The following FRAS1 variants were observed in gnomAD, a reference collection of about 807,000 sequenced individuals.
The protein encoded by FRAS1 is extracellular matrix organizing protein FRAS1.
Under a neutral mutation model 435.2 loss-of-function variants are expected in FRAS1, and 290 were observed. The ratio of observed to expected loss-of-function variants is 0.67; its 90% CI spans 0.61 to 0.73. The LOEUF is 0.73. Ranked by LOEUF, FRAS1 falls within the 30% of genes least tolerant of loss-of-function variation. The probability of loss-of-function intolerance (pLI) is 0.00; values close to 1 mark genes in which losing one functional copy is unlikely to be tolerated. For synonymous variants in FRAS1, 1,800 were observed against 1,851.0 expected (o/e 0.97, Z 0.71); for missense variants, 4,860 against 5,001.5 (o/e 0.97, Z 0.85).
intron 2 of FRAS1, among the ~76,000 whole-genome samples, chr4:78,226,329 A>G (rs1724271430): frequency 6.6e-6 from 1 of 151,904 alleles, no homozygotes; most frequent in Non-Finnish European, 1.5e-5. Flanking sequence ...ATTTAGAGTC[A>G]TTTTCTTATT....
chr4:78,418,301 T>G (rs1379661749), intron 32 of FRAS1, among the ~76,000 whole-genome samples: 2 of 152,174 alleles, frequency 1.3e-5, no homozygotes, highest in Non-Finnish European at 2.9e-5. Context: ...TGGTGAGCCT[T>G]TTTTGGTGTT....
Position 78,057,917 on chromosome 4 carries a change from GC to G in FRAS1, c.-90del. On this transcript the variant is annotated 5_prime_UTR_variant, in exon 1 of 74. Coordinates refer to ENST00000512123, the MANE Select transcript of FRAS1 (RefSeq NM_025074.7). This position sits in a 1 kb window ranked among gnomAD's most constrained non-coding sequence, Gnocchi z 4.2. ...GCCCGCGGTCCCCCACCTTCAGTGC[GC>G]CCGGGTTCCAAGCGCCGGAGCCAGC... is the stretch of plus-strand genomic sequence containing the variant. 1 of 1,198,908 alleles carries G rather than the reference GC, an allele frequency of 8.3e-7. No individual in the cohort carries two copies. Among genetic ancestry groups the G allele is most frequent in the African/African-American group, 1.5e-5 (1 of 66,848 alleles). The allele number at this position is 1,198,908 out of a possible 1,614,324, so 74.3% of individuals were successfully genotyped here. A position where few individuals can be genotyped will look rare whatever the true frequency, so the allele number is the denominator to read the frequency against.
chr4:78,152,272 C>T (rs553945690), intron 2 of FRAS1, among the ~76,000 whole-genome samples: 1 of 152,172 alleles, frequency 6.6e-6, no homozygotes, highest in South Asian at 2.1e-4. Context: ...TTTAGAAAGG[C>T]AGGGTGTGTC....
chr4:78,224,891 T>A (rs1412454357), intron 2 of FRAS1, among the ~76,000 whole-genome samples: 1 of 152,204 alleles, frequency 6.6e-6, no homozygotes, highest in African/African-American at 2.4e-5. Flanking sequence ...TGTGTTTGAT[T>A]TTTAAAAAGC....
At chr4:78,388,179 G>A (rs757449984) in intron 29 of FRAS1, among the ~76,000 whole-genome samples, 3 of 151,882 alleles carry the variant, frequency 2.0e-5, no homozygotes, top group South Asian at 2.1e-4. Context: ...CAAAAAATTC[G>A]CTGGGCGTGG....
intron 59 of FRAS1, among the ~76,000 whole-genome samples, chr4:78,496,010 C>G (rs1720498455): frequency 6.6e-6 from 1 of 152,156 alleles, no homozygotes; most frequent in African/African-American, 2.4e-5. Flanking sequence ...GAGAGTGAAA[C>G]TTCTCTCTAC....
intron 3 of FRAS1, among the ~76,000 whole-genome samples, chr4:78,242,889 G>A (rs1308854817): frequency 6.6e-6 from 1 of 152,142 alleles, no homozygotes; most frequent in Non-Finnish European, 1.5e-5. Flanking sequence ...TATAATCACA[G>A]GTCGTGGATT....
intron 2 of FRAS1, among the ~76,000 whole-genome samples, chr4:78,215,627 A>G (rs981112535): frequency 2.0e-5 from 3 of 152,104 alleles, no homozygotes; most frequent in Admixed American, 1.3e-4. Context: ...TTCTTCCCCA[A>G]TCCCTTGGCA....
Position 78,477,813 on chromosome 4 carries a change from A to G in FRAS1, c.7852-2A>G. 1 of 1,609,738 alleles carries G rather than the reference A, an allele frequency of 6.2e-7. No homozygotes were observed. The highest frequency in any genetic ancestry group is 8.5e-7 in the Non-Finnish European group (1 of 1,176,794). On this transcript the variant is annotated splice_acceptor_variant, in intron 54 of 73. Coordinates refer to ENST00000512123, the MANE Select transcript of FRAS1 (RefSeq NM_025074.7). LOFTEE classifies it high-confidence loss of function. ...AACTTCTTGTTGGTTCCTTTGTGAC[A>G]GGTCCAGTTTGATGAGCGAGAGGAC...
chr4:78,478,380 A>T (rs1183788493), intron 55 of FRAS1, among the ~76,000 whole-genome samples: 1 of 152,240 alleles, frequency 6.6e-6, no homozygotes, highest in East Asian at 1.9e-4. Context: ...TAAAATATTT[A>T]GTAACCTTGG....
chr4:78,344,599 T>TTTG (rs1730533289), intron 20 of FRAS1, among the ~76,000 whole-genome samples: 1 of 151,156 alleles, frequency 6.6e-6, no homozygotes, highest in African/African-American at 2.4e-5. Flanking sequence ...TTTTTTTTTT[T>TTTG]GGTTGGTGAA....
At chr4:78,251,792 G>T (rs1279592876) in intron 4 of FRAS1, among the ~76,000 whole-genome samples, 1 of 152,212 alleles carries the variant, frequency 6.6e-6, no homozygotes, top group Non-Finnish European at 1.5e-5. Flanking sequence ...GCTGGGATCT[G>T]TGAATGTGCA....
At chr4:78,136,184 T>C (rs1231279443) in intron 2 of FRAS1, among the ~76,000 whole-genome samples, 1 of 152,196 alleles carries the variant, frequency 6.6e-6, no homozygotes, top group Non-Finnish European at 1.5e-5. Context: ...TGGGTCATTT[T>C]AAGAGTGAAG....
In FRAS1 at chr4:78,057,921, G is replaced by T; in HGVS notation, c.-89G>T. ...GCGGTCCCCCACCTTCAGTGCGCCC[G>T]GGTTCCAAGCGCCGGAGCCAGCGTT... On this transcript the variant is annotated 5_prime_UTR_variant, in exon 1 of 74. Transcript: ENST00000512123. This position sits in a 1 kb window ranked among gnomAD's most constrained non-coding sequence, Gnocchi z 4.2. 7.9e-7 allele frequency: 1 copy of T among 1,266,800 alleles called. No individual in the cohort carries two copies. The highest frequency in any genetic ancestry group is 1.1e-6 in the Non-Finnish European group (1 of 876,560). The allele number at this position is 1,266,800 out of a possible 1,614,324, so 78.5% of individuals were successfully genotyped here.
intron 6 of FRAS1, among the ~76,000 whole-genome samples, chr4:78,258,569 T>C (rs969574989): frequency 6.6e-6 from 1 of 150,924 alleles, no homozygotes; most frequent in African/African-American, 2.4e-5. Flanking sequence ...TGCTTTCTAT[T>C]GTATTACATG....
chr4:78,160,356 AT>A (rs1721085694), intron 2 of FRAS1, among the ~76,000 whole-genome samples: 1 of 152,240 alleles, frequency 6.6e-6, no homozygotes, highest in Non-Finnish European at 1.5e-5. Flanking sequence ...TGTTTAAAAA[AT>A]TTTGAATCTA....
intron 2 of FRAS1, among the ~76,000 whole-genome samples, chr4:78,172,488 C>T (rs1047408192): frequency 6.6e-6 from 1 of 151,960 alleles, no homozygotes; most frequent in Non-Finnish European, 1.5e-5. Flanking sequence ...TTTTTCTGAC[C>T]TAGCCATACC....
At chr4:78,303,650 T>C (rs1409559595) in intron 14 of FRAS1, among the ~76,000 whole-genome samples, 1 of 152,210 alleles carries the variant, frequency 6.6e-6, no homozygotes, top group Non-Finnish European at 1.5e-5. Context: ...TATTTGGCTC[T>C]CTGTTTGTCT....
In FRAS1 at chr4:78,475,460, G is replaced by C. The variant is rs753511212; in HGVS notation, c.7705G>C (p.Gly2569Arg). The C allele has an allele frequency of 6.2e-7, 1 of 1,613,944 alleles. No individual in the cohort carries two copies. Among genetic ancestry groups the C allele is most frequent in the Admixed American group, 1.7e-5 (1 of 60,028 alleles). ...CAGCTACAATGTCAGTGAGAAGGCA[G>C]GGTCTGTCAGTGTCACGGTGCAGAG... ...YTSYNVSEKA[G>R]SVSVTVQRTG... Residue 2569 changes from glycine to arginine, a missense_variant, in exon 54 of 74, where the codon GGG becomes CGG. Gly to Arg is a moderately radical substitution (Grantham distance 125, BLOSUM62 -2). Coordinates refer to ENST00000512123, the MANE Select transcript of FRAS1 (RefSeq NM_025074.7).
Sources: allele counts gnomAD v4.1 joint callset (sites outside exome capture counted in the v4.1 genomes callset), GRCh38; gene constraint gnomAD v4.1.1; non-coding constraint Gnocchi (gnomAD v3.1); transcripts MANE v1.5; gene names NCBI Gene and HGNC (gene_info 2026-07-23, HGNC 2026-07-21).